Variants in AKAP14 observed in about 807,000 individuals in gnomAD.
AKAP14 encodes the protein A-kinase anchor protein 14.
In AKAP14, 4 loss-of-function variants were observed where a neutral mutation model predicts 17.0. The observed-to-expected ratio is 0.23, with a 90% CI of 0.12 to 0.54. The LOEUF is 0.54. Ranked by LOEUF, AKAP14 falls within the 20% of genes least tolerant of loss-of-function variation. The pLI, the probability that AKAP14 is intolerant of heterozygous loss-of-function variation, is 0.95. For synonymous variants in AKAP14, 42 were observed against 51.3 expected, an observed-to-expected ratio of 0.82 and a Z score of 0.77; for missense variants, 129 against 150.9, an observed-to-expected ratio of 0.85 and a Z score of 0.76.
At chrX:119,901,711 A>C (rs750293608) in intron 2 of AKAP14, among the ~76,000 whole-genome samples, 17 of 104,868 alleles carry the variant, frequency 1.6e-4, no homozygotes, top group African/African-American at 6.0e-4. Context: ...GTCTCAAAAA[A>C]AAAAAAAACA....
At chrX:119,914,604 T>C (rs769618546) in intron 4 of AKAP14, 95 bp from the exon 5 acceptor site, 979 of 885,303 alleles carry the variant, frequency 1.1e-3, no homozygotes, top group Non-Finnish European at 1.4e-3. Context: ...ATTACAGGCA[T>C]GAGCCACTGC....
chrX:119,913,005 C>T (rs944871061), intron 4 of AKAP14, among the ~76,000 whole-genome samples: 2 of 109,945 alleles, frequency 1.8e-5, no homozygotes, highest in Non-Finnish European at 3.8e-5. Context: ...AAGGGGAAAG[C>T]GCCTGGGAGT....
intron 2 of AKAP14, among the ~76,000 whole-genome samples, chrX:119,898,112 G>A (rs1289638817): frequency 1.8e-5 from 2 of 112,103 alleles, no homozygotes; most frequent in East Asian, 2.8e-4. Context: ...GCAGTGAGCC[G>A]AGATTGCGCC....
chrX:119,896,805 C>CTTTTTTTTTTTTT (rs765107118), intron 2 of AKAP14, among the ~76,000 whole-genome samples: 2 of 70,768 alleles, frequency 2.8e-5, no homozygotes, highest in Non-Finnish European at 2.5e-5. Context: ...CTTTTCTTTT[C>CTTTTTTTTTTTTT]TTTTTTTCTT....
intron 2 of AKAP14, among the ~76,000 whole-genome samples, chrX:119,897,914 C>A (rs981978468): frequency 2.7e-5 from 3 of 112,260 alleles, no homozygotes; most frequent in Non-Finnish European, 3.8e-5. Flanking sequence ...GGGCAGATCA[C>A]CCGAGGTCAG....
intron 4 of AKAP14, among the ~76,000 whole-genome samples, chrX:119,905,983 G>T (rs1374787101): frequency 9.0e-6 from 1 of 111,439 alleles, no homozygotes; most frequent in African/African-American, 3.3e-5. Flanking sequence ...CCCTAGCAAT[G>T]TCAGGTACAC....
chrX:119,920,486 G>GT (rs1738246412), intron 6 of AKAP14, 22 bp from the exon 7 acceptor site: 1 of 1,143,603 alleles, frequency 8.7e-7, no homozygotes. Context: ...CTTTAAAAGT[G>GT]TTTGTTTTTC....
intron 5 of AKAP14, among the ~76,000 whole-genome samples, chrX:119,919,559 G>A (rs946232886): frequency 1.8e-5 from 2 of 112,415 alleles, no homozygotes; most frequent in Non-Finnish European, 3.8e-5. Context: ...AAGTTTGTAC[G>A]ATTGGGCTGG....
intron 4 of AKAP14, among the ~76,000 whole-genome samples, chrX:119,910,723 C>T (rs773245671): frequency 3.2e-4 from 36 of 110,866 alleles, no homozygotes; most frequent in Non-Finnish European, 3.2e-4. Flanking sequence ...TGTGCAATGG[C>T]GCAATCTCGT....
At chrX:119,905,679 A>C (rs1483928951) in intron 4 of AKAP14, among the ~76,000 whole-genome samples, 1 of 110,883 alleles carries the variant, frequency 9.0e-6, no homozygotes, top group African/African-American at 3.3e-5. Context: ...TTCCCCTGTC[A>C]GGACCCTTGC....
intron 5 of AKAP14, among the ~76,000 whole-genome samples, chrX:119,919,441 G>T (rs1302795436): frequency 8.9e-6 from 1 of 112,191 alleles, no homozygotes; most frequent in African/African-American, 3.2e-5. Flanking sequence ...GGGAACGGAG[G>T]TTTAAAGTGA....
At chrX:119,906,697 C>T (rs1039055075) in intron 4 of AKAP14, among the ~76,000 whole-genome samples, 1 of 110,726 alleles carries the variant, frequency 9.0e-6, no homozygotes, top group African/African-American at 3.3e-5. Context: ...CCATGCCAGG[C>T]CAATTTATTT....
chrX:119,911,842 C>A (rs1304274643), intron 4 of AKAP14, among the ~76,000 whole-genome samples: 4 of 106,348 alleles, frequency 3.8e-5, no homozygotes, highest in Non-Finnish European at 7.8e-5. Context: ...GGGATTACAC[C>A]ACGCCTGGCC....
rs946899448 is a variant in AKAP14, at chrX:119,914,931, C to A, written c.441+53C>A. The A allele has an allele frequency of 6.1e-5, 68 of 1,107,489 alleles. No homozygotes were observed. The African/African-American group carries it at 8.6e-4, about 14-fold the overall frequency. The allele number at this position is 1,107,489 out of a possible 1,213,427, so 91.3% of individuals were successfully genotyped here. A position where few individuals can be genotyped will look rare whatever the true frequency, so the allele number is the denominator to read the frequency against. ...GAGGCTTCAGTGAGAATGGAGACTT[C>A]TCTTGTCAAGGTCATCAATAACCCC... On this transcript the variant is annotated intron_variant, in intron 5 of 6. Coordinates refer to ENST00000371431, the MANE Select transcript of AKAP14 (RefSeq NM_178813.6).
intron 2 of AKAP14, among the ~76,000 whole-genome samples, chrX:119,902,840 C>G (rs201620503): frequency 9.0e-6 from 1 of 110,839 alleles, no homozygotes; most frequent in Admixed American, 9.7e-5. Flanking sequence ...TACAGGCGCC[C>G]GCCACCACAC....
chrX:119,903,158 G>C, intron 2 of AKAP14, 56 bp from the exon 3 acceptor site: 1 of 1,070,725 alleles, frequency 9.3e-7, no homozygotes, highest in Non-Finnish European at 1.3e-6. Flanking sequence ...ACTTATATGA[G>C]TGCGTTCACA....
At chrX:119,920,348 T>C (rs372585125) in intron 6 of AKAP14, among the ~76,000 whole-genome samples, 160 bp from the exon 7 acceptor site, 1 of 111,337 alleles carries the variant, frequency 9.0e-6, no homozygotes, top group Non-Finnish European at 1.9e-5. Context: ...CAGTAAAGGA[T>C]AGACATAGAG....
At position 119,903,336 on chromosome X, in the gene AKAP14, A is replaced by G; in HGVS notation, c.113A>G (p.Gln38Arg). The G allele has an allele frequency of 8.2e-7, 1 of 1,212,173 alleles. No homozygotes were observed. Among genetic ancestry groups the G allele is most frequent in the Non-Finnish European group, 1.1e-6 (1 of 895,626 alleles). The change falls in exon 3 of 7, where the codon CAA becomes CGA. Residue 38 changes from glutamine (Q) to arginine (R), a missense_variant. By Grantham distance (43) the Gln-to-Arg change is conservative. Transcript: ENST00000371431. ...AAGAACTACGAGGATGAATTGACTC[A>G]AGTAGCTCTAGCTCTGGTTGAGGAT... ...QDKNYEDELT[Q>R]VALALVEDVI...
rs770011778 is a variant in AKAP14, at chrX:119,906,921, TG to T, written c.261+3337del. Reference sequence around the variant, plus strand: ...CCAGGGTCCACTACACATCAGGGGATGGTAAATTAGGAGTTGCCATTTACTG... The same window carrying T: ...CCAGGGTCCACTACACATCAGGGGATGTAAATTAGGAGTTGCCATTTACTG... On this transcript the variant is annotated intron_variant, in intron 4 of 6. Transcript: ENST00000371431. 3.6e-5 allele frequency among the ~76,000 whole-genome samples: 4 copies of T among 111,765 alleles called. No homozygotes were observed. In the South Asian group the frequency reaches 1.5e-3, roughly 42 times the overall value.
Sources: gnomAD v4.1 joint callset for allele counts (sites outside exome capture counted in the v4.1 genomes callset) on GRCh38, gnomAD v4.1.1 for gene constraint, MANE v1.5 for transcripts, NCBI Gene and HGNC (gene_info 2026-07-23, HGNC 2026-07-21) for gene names.